Variants in BACH1 observed in about 807,000 individuals in gnomAD.
The protein encoded by BACH1 is BTB domain and CNC homolog 1.
In BACH1, 35 loss-of-function variants were observed where a neutral mutation model predicts 52.9. The observed-to-expected ratio is 0.66, with a 90% CI of 0.51 to 0.88. BACH1 has a LOEUF of 0.88. Ranked by LOEUF, BACH1 falls within the 40% of genes least tolerant of loss-of-function variation. The pLI is 0.00. For missense variants in BACH1, 808 were observed against 872.6 expected (o/e 0.93, Z 0.93); for synonymous variants, 321 against 319.6 (o/e 1.00, Z -0.05).
rs2089161763 is a variant in BACH1 at position 29,345,684 on chromosome 21, G to C, written c.*2851G>C. On this transcript the variant is annotated 3_prime_UTR_variant, in exon 5 of 5. Coordinates refer to ENST00000286800, the MANE Select transcript of BACH1 (RefSeq NM_001186.4). The stretch of plus-strand genomic sequence containing the variant: ...ATGTTAGATGCAGTAGACGATACAG[G>C]TTGCATGTGGACACTCAGTCACATT... 6.6e-6 allele frequency: 1 copy of C among 152,484 alleles called. No homozygotes were observed. Among genetic ancestry groups the C allele is most frequent in the Non-Finnish European group, 1.5e-5 (1 of 68,002 alleles). The allele number at this position is 152,484 out of a possible 1,614,324, so 9.4% of individuals were successfully genotyped here.
Position 29,342,447 on chromosome 21 carries a change from A to C in BACH1, c.1825A>C (p.Thr609Pro). ...GAAGGAAAGAGATCACATTTTGTCA[A>C]CTCTGGGTGAGACAAAGCAGAACCT... The part of the protein sequence containing the change: ...LLKERDHILS[T>P]LGETKQNLTG... The change falls in exon 5 of 5, where the codon ACT becomes CCT. Residue 609 changes from threonine to proline, a missense_variant. Transcript: ENST00000286800. 5 of 1,614,210 alleles carry C rather than the reference A, an allele frequency of 3.1e-6. No individual in the cohort carries two copies. The highest frequency in any genetic ancestry group is 4.2e-6 in the Non-Finnish European group (5 of 1,180,026).
chr21:29,321,448 C>G lies in BACH1; in HGVS notation c.168C>G (p.Ser56Arg). The G allele has an allele frequency of 6.2e-7, 1 of 1,614,166 alleles. No homozygotes were observed. Among genetic ancestry groups the G allele is most frequent in the Non-Finnish European group, 8.5e-7 (1 of 1,180,036 alleles). ...RAHRSVLAACSSYFHSRIVGQ... is the reference protein window; with the variant it reads ...RAHRSVLAACRSYFHSRIVGQ... ...ACCGGTCCGTGCTGGCGGCATGCAG[C>G]AGTTACTTCCACTCAAGAATCGTAG... The change falls in exon 2 of 5, where the codon AGC becomes AGG. Residue 56 changes from serine to arginine, a missense_variant. Coordinates refer to ENST00000286800, the MANE Select transcript of BACH1 (RefSeq NM_001186.4).
intron 2 of BACH1, among the ~76,000 whole-genome samples, chr21:29,360,380 T>C (rs1311239332): frequency 1.3e-5 from 2 of 152,220 alleles, no homozygotes; most frequent in Non-Finnish European, 1.5e-5. Flanking sequence ...GATATTTTAC[T>C]CAGCTAAAAG....
intron 3 of BACH1, among the ~76,000 whole-genome samples, chr21:29,328,330 ATTAC>A (rs1266042084): frequency 6.6e-6 from 1 of 152,298 alleles, no homozygotes; most frequent in Admixed American, 6.5e-5. Flanking sequence ...TCTGTAAAAT[ATTAC>A]TTATAAGTCC....
intron 2 of BACH1, chr21:29,361,644 A>T (rs775038351): frequency 3.3e-5 from 5 of 152,238 alleles, no homozygotes; most frequent in Non-Finnish European, 7.3e-5. Flanking sequence ...GCTAATGAGT[A>T]ATCAGTCCAA....
chr21:29,333,857 AG>A (rs1449937825), intron 4 of BACH1, among the ~76,000 whole-genome samples: 6 of 152,336 alleles, frequency 3.9e-5, no homozygotes, highest in African/African-American at 1.4e-4. Context: ...GGGAGATGTG[AG>A]TTAGCATTTA....
intron 1 of BACH1, among the ~76,000 whole-genome samples, chr21:29,313,660 C>A (rs536554589): frequency 6.6e-6 from 1 of 152,118 alleles, no homozygotes; most frequent in South Asian, 2.1e-4. Flanking sequence ...ATGAATGAAC[C>A]TCAGAAACAT....
In BACH1 at chr21:29,327,382, C is replaced by A; in HGVS notation, c.1558C>A (p.Gln520Lys). The change falls in exon 3 of 5, where the codon CAA becomes AAA. Residue 520 changes from glutamine (Q) to lysine (K), a missense_variant. By Grantham distance (53) the Gln-to-Lys change is moderately conservative. Coordinates refer to ENST00000286800, the MANE Select transcript of BACH1 (RefSeq NM_001186.4). ...GDSESCSARE[Q>K]ECEVKLPFNA... is the part of the protein sequence containing the mutation. ...CAGTGAATCCTGTTCAGCCAGAGAA[C>A]AAGAATGTGAGGTGAGCAGGAATAT... is the stretch of plus-strand genomic sequence containing the variant. 6.2e-7 allele frequency: 1 copy of A among 1,612,374 alleles called. No homozygotes were observed. Among genetic ancestry groups the A allele is most frequent in the Non-Finnish European group, 8.5e-7 (1 of 1,179,028 alleles).
chr21:29,352,418 A>G (rs1034046831), intron 2 of BACH1, among the ~76,000 whole-genome samples: 5 of 152,146 alleles, frequency 3.3e-5, no homozygotes, highest in Admixed American at 3.3e-4. Context: ...AAATTACTTA[A>G]TGTCTCTCAG....
chr21:29,311,010 C>T (rs1164195021), intron 1 of BACH1, among the ~76,000 whole-genome samples: 5 of 152,214 alleles, frequency 3.3e-5, no homozygotes, highest in Admixed American at 6.5e-5. Context: ...TTATTATGTG[C>T]GTGGTTTTCT....
intron 2 of BACH1, among the ~76,000 whole-genome samples, chr21:29,322,983 G>T (rs150835544): frequency 5.3e-5 from 8 of 152,160 alleles, no homozygotes; most frequent in African/African-American, 1.7e-4. Flanking sequence ...AGGAGGAAAG[G>T]TATGTGCATA....
intron 4 of BACH1, among the ~76,000 whole-genome samples, chr21:29,333,374 A>G (rs1245251578): frequency 6.6e-6 from 1 of 152,208 alleles, no homozygotes; most frequent in Non-Finnish European, 1.5e-5. Context: ...ATTTGTGTAT[A>G]TTTTAATCTC....
At chr21:29,323,019 A>T (rs552774487) in intron 2 of BACH1, among the ~76,000 whole-genome samples, 37 of 70,756 alleles carry the variant, frequency 5.2e-4, no homozygotes, top group African/African-American at 4.0e-3. Context: ...GCATTCATTC[A>T]TTCTTTCTAA....
chr21:29,354,634 G>T (rs1348953641), intron 2 of BACH1, among the ~76,000 whole-genome samples: 2 of 152,216 alleles, frequency 1.3e-5, no homozygotes, highest in Non-Finnish European at 2.9e-5. Flanking sequence ...CAACAGAGTG[G>T]AAGATGTTTC....
At chr21:29,318,398 C>T (rs1176926960) in intron 1 of BACH1, among the ~76,000 whole-genome samples, 2 of 152,320 alleles carry the variant, frequency 1.3e-5, no homozygotes, top group Non-Finnish European at 2.9e-5. Flanking sequence ...GTATGAACAG[C>T]ATCAGTCATG....
At chr21:29,350,699 A>G (rs1288252005), downstream of BACH1, among the ~76,000 whole-genome samples, 1 of 152,218 alleles carries the variant, frequency 6.6e-6, no homozygotes, top group Non-Finnish European at 1.5e-5. Flanking sequence ...CAGATTTATC[A>G]ATCAGCCAGC....
chr21:29,334,268 T>C (rs914869672), intron 4 of BACH1, among the ~76,000 whole-genome samples: 11 of 152,124 alleles, frequency 7.2e-5, no homozygotes, highest in African/African-American at 2.7e-4. Flanking sequence ...TGGGTAATTT[T>C]TTTATATTTT....
intron 1 of BACH1, among the ~76,000 whole-genome samples, chr21:29,305,733 C>T (rs1051105248): frequency 2.0e-5 from 3 of 152,198 alleles, no homozygotes; most frequent in Non-Finnish European, 4.4e-5. Context: ...CTGCTGTTCT[C>T]CCCCAACTCA....
intron 2 of BACH1, among the ~76,000 whole-genome samples, chr21:29,357,824 A>G (rs1046588623): frequency 3.3e-5 from 5 of 152,182 alleles, no homozygotes; most frequent in African/African-American, 1.2e-4. Context: ...GTTCCTTCCA[A>G]TGCCCAGACT....
Sources: gnomAD v4.1 joint callset for allele counts (sites outside exome capture counted in the v4.1 genomes callset) on GRCh38, gnomAD v4.1.1 for gene constraint, MANE v1.5 for transcripts, NCBI Gene and HGNC (gene_info 2026-07-23, HGNC 2026-07-21) for gene names.